VDAC1: variants seen among roughly 807,000 people sequenced by gnomAD.
VDAC1 encodes voltage dependent anion channel 1.
In VDAC1, 10 loss-of-function variants were observed where a neutral mutation model predicts 34.7. The observed-to-expected ratio is 0.29, with a 90% CI of 0.18 to 0.49. The LOEUF is 0.49. Ranked by LOEUF, VDAC1 falls within the 20% of genes least tolerant of loss-of-function variation. VDAC1 has a pLI of 0.99. For synonymous variants in VDAC1, 130 were observed against 136.0 expected (o/e 0.96, Z 0.30); for missense variants, 230 against 347.9 (o/e 0.66, Z 2.69).
At chr5:134,006,314 G>C (rs548820220), upstream of VDAC1, among the ~76,000 whole-genome samples, 2 of 152,324 alleles carry the variant, frequency 1.3e-5, no homozygotes, top group Admixed American at 1.3e-4. Context: ...ACTCAGGGAG[G>C]CCGGGCGGGA....
At chr5:133,995,463 A>G (rs1405410562) in intron 1 of VDAC1, among the ~76,000 whole-genome samples, 1 of 152,002 alleles carries the variant, frequency 6.6e-6, no homozygotes, top group Non-Finnish European at 1.5e-5. Flanking sequence ...CCAAGTAAGC[A>G]TTCTCCCCAG....
chr5:134,013,939 CT>C, the VDAC1 span, among the ~76,000 whole-genome samples: 26 of 150,478 alleles, frequency 1.7e-4, no homozygotes, highest in Admixed American at 1.1e-3. Flanking sequence ...GAGACTCCGT[CT>C]CCCATCCCAC....
Position 133,972,758 on chromosome 5 carries a change from G to C in VDAC1, c.*13C>G, listed in dbSNP as rs1752345939. On this transcript the variant is annotated 3_prime_UTR_variant, in exon 9 of 9. Coordinates refer to ENST00000265333, the MANE Select transcript of VDAC1 (RefSeq NM_003374.3). ...CAAAATAGTTTAAAATTAAACAATT[G>C]TACAGTATTCATTTATGCTTGAAAT... The C allele has an allele frequency of 6.8e-7, 1 of 1,475,892 alleles. No homozygotes were observed. Among genetic ancestry groups the C allele is most frequent in the Non-Finnish European group, 9.5e-7 (1 of 1,057,102 alleles). 91.4% of individuals were successfully genotyped at this position (1,475,892 alleles called of 1,614,324 possible). A position where few individuals can be genotyped will look rare whatever the true frequency, so the allele number is the denominator to read the frequency against.
the VDAC1 span, among the ~76,000 whole-genome samples, chr5:134,049,975 G>T: frequency 2.0e-5 from 3 of 152,158 alleles, no homozygotes; most frequent in Non-Finnish European, 4.4e-5. Context: ...CACCGCCCAG[G>T]CGCGGTGGCT....
the VDAC1 span, among the ~76,000 whole-genome samples, chr5:134,046,868 A>G: frequency 1.3e-5 from 2 of 152,324 alleles, no homozygotes; most frequent in Non-Finnish European, 2.9e-5. Context: ...CCAGGCCTCG[A>G]TCTTCTCATC....
the VDAC1 span, among the ~76,000 whole-genome samples, chr5:134,032,144 A>AAAAAAAAAAAAAAAAAAAAAAAAAC: frequency 6.8e-6 from 1 of 146,358 alleles, no homozygotes; most frequent in African/African-American, 2.5e-5. Context: ...AAAAAAAAAA[A>AAAAAAAAAAAAAAAAAAAAAAAAAC]GCTACTCTGC....
the VDAC1 span, among the ~76,000 whole-genome samples, chr5:134,055,104 A>G: frequency 1.3e-5 from 2 of 152,326 alleles, no homozygotes; most frequent in Non-Finnish European, 2.9e-5. Flanking sequence ...GCTCAGCTGC[A>G]TGGGGTGGGG....
At chr5:134,082,709 C>T in the VDAC1 span, among the ~76,000 whole-genome samples, 1 of 152,224 alleles carries the variant, frequency 6.6e-6, no homozygotes, top group Non-Finnish European at 1.5e-5. Flanking sequence ...CTTGCCAACA[C>T]CTGGTATGGT....
chr5:134,059,141 A>G, the VDAC1 span, among the ~76,000 whole-genome samples: 1 of 152,148 alleles, frequency 6.6e-6, no homozygotes, highest in Non-Finnish European at 1.5e-5. Context: ...TGGGGTGGCA[A>G]CGCTGGCAAG....
intron 6 of VDAC1, among the ~76,000 whole-genome samples, chr5:133,978,952 G>A (rs1752581733): frequency 6.6e-6 from 1 of 152,158 alleles, no homozygotes; most frequent in African/African-American, 2.4e-5. Flanking sequence ...GGTGGAGGCT[G>A]CAGAGATCGT....
At chr5:134,048,799 C>T in the VDAC1 span, among the ~76,000 whole-genome samples, 11 of 152,076 alleles carry the variant, frequency 7.2e-5, no homozygotes, top group African/African-American at 2.7e-4. Flanking sequence ...TCTGTGCTCA[C>T]ACTGCATGCA....
upstream of VDAC1, among the ~76,000 whole-genome samples, chr5:134,007,150 A>G (rs957743893): frequency 5.9e-5 from 9 of 151,990 alleles, no homozygotes; most frequent in Admixed American, 4.6e-4. Context: ...AAGCTAAGGC[A>G]GGAGAATTGC....
chr5:134,047,731 T>C, the VDAC1 span, among the ~76,000 whole-genome samples: 73 of 152,284 alleles, frequency 4.8e-4, no homozygotes, highest in African/African-American at 1.6e-3. Flanking sequence ...GTTTGTGCAA[T>C]GTAGAGATGG....
chr5:134,027,670 A>C, the VDAC1 span, among the ~76,000 whole-genome samples: 1 of 151,406 alleles, frequency 6.6e-6, no homozygotes, highest in African/African-American at 2.4e-5. Context: ...ACTAACTTTC[A>C]TTTGTTTCAA....
the VDAC1 span, among the ~76,000 whole-genome samples, chr5:134,019,963 C>T: frequency 2.0e-5 from 3 of 152,260 alleles, no homozygotes; most frequent in African/African-American, 7.2e-5. Context: ...CAGGTAGATA[C>T]ACAATTAATA....
chr5:134,030,694 A>G, the VDAC1 span, among the ~76,000 whole-genome samples: 2 of 151,314 alleles, frequency 1.3e-5, no homozygotes, highest in African/African-American at 4.9e-5. Flanking sequence ...CGCAACCTCC[A>G]TCTCCCAGGT....
chr5:134,073,602 G>T, the VDAC1 span, among the ~76,000 whole-genome samples: 1 of 152,234 alleles, frequency 6.6e-6, no homozygotes, highest in Non-Finnish European at 1.5e-5. Flanking sequence ...GTTTGCTACA[G>T]TGTTGCTTGT....
the VDAC1 span, among the ~76,000 whole-genome samples, chr5:134,013,651 G>C: frequency 6.6e-6 from 1 of 152,214 alleles, no homozygotes; most frequent in Non-Finnish European, 1.5e-5. Context: ...CCATTAAAAA[G>C]TGGGCAGAGG....
the VDAC1 span, among the ~76,000 whole-genome samples, chr5:134,042,938 T>TC: frequency 8.5e-5 from 13 of 152,232 alleles, no homozygotes; most frequent in African/African-American, 3.1e-4. Context: ...CTTCTGGGGT[T>TC]CCCCATTGGC....
Sources: allele counts gnomAD v4.1 joint callset (sites outside exome capture counted in the v4.1 genomes callset), GRCh38; gene constraint gnomAD v4.1.1; transcripts MANE v1.5; gene names NCBI Gene and HGNC (gene_info 2026-07-23, HGNC 2026-07-21).